Variants in CCDC171 observed in about 807,000 individuals in gnomAD.
CCDC171 encodes coiled-coil domain containing 171, also known as coiled-coil domain-containing protein 171.
CCDC171 carries 177 observed loss-of-function variants against 168.2 expected under a neutral mutation model. The observed-to-expected ratio is 1.05, with a 90% CI of 0.93 to 1.19. CCDC171 has a LOEUF of 1.19. Among genes scored for constraint, CCDC171 ranks in the 50% most tolerant of loss-of-function variants. CCDC171 has a pLI of 0.00. For synonymous variants in CCDC171, 687 were observed against 540.8 expected (o/e 1.27, Z -3.75); for missense variants, 1,991 against 1,539.0 (o/e 1.29, Z -4.91).
chr9:15,912,857 A>G (rs200185621), intron 24 of CCDC171, among the ~76,000 whole-genome samples: 1 of 152,114 alleles, frequency 6.6e-6, no homozygotes, highest in Non-Finnish European at 1.5e-5. Context: ...TTTGCATATG[A>G]TGAACCAGCC....
intron 11 of CCDC171, among the ~76,000 whole-genome samples, chr9:15,707,853 A>T (rs1036105911): frequency 6.6e-6 from 1 of 152,134 alleles, no homozygotes. Flanking sequence ...CTGATTATTA[A>T]TATTATTATT....
intron 25 of CCDC171, among the ~76,000 whole-genome samples, chr9:15,969,989 G>A (rs146607959): frequency 4.7e-4 from 71 of 152,274 alleles, no homozygotes; most frequent in Non-Finnish European, 8.5e-4. Context: ...GTCAACACAC[G>A]ATTTTGGAAG....
At position 15,890,879 on chromosome 9, in the gene CCDC171, T is replaced by A. The variant is rs758699926; in HGVS notation, c.3600+16216T>A. Among the ~76,000 whole-genome samples, 86 of 152,288 alleles carry A rather than the reference T, an allele frequency of 5.6e-4. 1 individual carries two copies. The highest frequency in any genetic ancestry group is 6.6e-4 in the Non-Finnish European group (45 of 68,030). On this transcript the variant is annotated intron_variant, in intron 24 of 25. Transcript: ENST00000380701. ...TATTGAAGTAGATGATAACCCTGGC[T>A]GAAGCATGCAAATTCCCAAACCAAT...
chr9:16,041,866 T>A (rs576459438), upstream of CCDC171, among the ~76,000 whole-genome samples: 1 of 152,092 alleles, frequency 6.6e-6, no homozygotes, highest in Non-Finnish European at 1.5e-5. Flanking sequence ...GGAGAAAAAA[T>A]TTGGCATTGG....
In CCDC171 at chr9:16,004,798, C is replaced by T. The variant is rs371490615; in HGVS notation, n.369-15791C>T. 7.2e-5 allele frequency among the ~76,000 whole-genome samples: 11 copies of T among 152,028 alleles called. No homozygotes were observed. The East Asian group carries it at 9.6e-4, about 13-fold the overall frequency. On this transcript the variant is annotated intron_variant and non_coding_transcript_variant, in intron 3 of 9. Transcript: ENST00000486641. Reference sequence around the variant, plus strand: ...TGGTATTTCTAGTCCTGAAGGAGAGCGATCAGCCCTTGAGGGTTGTTTGAA... The same window carrying T: ...TGGTATTTCTAGTCCTGAAGGAGAGTGATCAGCCCTTGAGGGTTGTTTGAA...
intron 21 of CCDC171, among the ~76,000 whole-genome samples, chr9:15,840,062 TA>T (rs2060612410): frequency 6.6e-6 from 1 of 152,152 alleles, no homozygotes. Flanking sequence ...TCACGTTAAA[TA>T]ATGGCCATTT....
At chr9:15,648,796 A>C (rs201122474) in intron 7 of CCDC171, among the ~76,000 whole-genome samples, 3 of 152,276 alleles carry the variant, frequency 2.0e-5, no homozygotes, top group African/African-American at 2.4e-5. Flanking sequence ...TAGGAAGAAT[A>C]AATATCATGA....
rs571863947 is a variant in CCDC171 at position 15,692,618 on chromosome 9, C to T, written c.1216-2617C>T. Among the ~76,000 whole-genome samples, 591 of 151,216 alleles carry T rather than the reference C, an allele frequency of 3.9e-3. 2 individuals are homozygous for T. Among genetic ancestry groups the T allele is most frequent in the Middle Eastern group, 0.01 (3 of 294 alleles). On this transcript the variant is annotated intron_variant, in intron 10 of 25. Coordinates refer to ENST00000380701, the MANE Select transcript of CCDC171 (RefSeq NM_173550.4). Reference sequence around the variant, plus strand: ...TGTCGGCTCACTGCAAGCTCCGCCCCCTGGGTTCACGCCATTCTCCTGCCT... The same window carrying T: ...TGTCGGCTCACTGCAAGCTCCGCCCTCTGGGTTCACGCCATTCTCCTGCCT...
intron 7 of CCDC171, 62 bp downstream of exon 7, chr9:15,623,475 G>GTGCGCGCGCGCACGCGCGCACACACA (rs1554714958): frequency 3.4e-6 from 1 of 293,710 alleles, no homozygotes; most frequent in Non-Finnish European, 6.3e-6. Flanking sequence ...GCGCGCGCGC[G>GTGCGCGCGCGCACGCGCGCACACACA]CACACACACA....
intron 9 of CCDC171, among the ~76,000 whole-genome samples, chr9:15,669,580 A>G (rs536810966): frequency 2.0e-4 from 30 of 152,154 alleles, no homozygotes; most frequent in Non-Finnish European, 3.4e-4. Flanking sequence ...CCTTCCATCT[A>G]ACTGTATTTT....
chr9:16,002,571 A>G (rs1248998149), intron 3 of CCDC171, among the ~76,000 whole-genome samples: 1 of 152,196 alleles, frequency 6.6e-6, no homozygotes, highest in African/African-American at 2.4e-5. Context: ...TAAAGTAGAA[A>G]AGTTACAGTA....
intron 18 of CCDC171, among the ~76,000 whole-genome samples, chr9:15,765,362 A>G (rs1335834321): frequency 6.6e-6 from 1 of 152,160 alleles, no homozygotes; most frequent in East Asian, 1.9e-4. Flanking sequence ...TCAACGAATG[A>G]AAGAAAAAAA....
At chr9:15,568,310 G>A (rs570993326) in intron 2 of CCDC171, among the ~76,000 whole-genome samples, 1 of 125,170 alleles carries the variant, frequency 8.0e-6, no homozygotes, top group Middle Eastern at 7.5e-3. Context: ...TTGCTCTGTT[G>A]CCCAGGCTGG....
chr9:15,738,617 T>C (rs1187366956), intron 16 of CCDC171, among the ~76,000 whole-genome samples: 1 of 151,998 alleles, frequency 6.6e-6, no homozygotes, highest in Admixed American at 6.6e-5. Flanking sequence ...TGGAAAACAT[T>C]CGATTTTTTT....
At chr9:15,900,740 C>G (rs181425909) in intron 24 of CCDC171, among the ~76,000 whole-genome samples, 1 of 152,164 alleles carries the variant, frequency 6.6e-6, no homozygotes, top group African/African-American at 2.4e-5. Context: ...GTAGGACATA[C>G]ATGCTGTGAG....
intron 7 of CCDC171, 62 bp downstream of exon 7, chr9:15,623,475 G>GCGCGCGCGCGCGCGCACGCGCGCGCGCA: frequency 3.4e-6 from 1 of 293,710 alleles, no homozygotes; most frequent in Non-Finnish European, 6.3e-6. Context: ...GCGCGCGCGC[G>GCGCGCGCGCGCGCGCACGCGCGCGCGCA]CACACACACA....
chr9:16,081,808 T>TG, the CCDC171 span, among the ~76,000 whole-genome samples: 1 of 152,144 alleles, frequency 6.6e-6, no homozygotes, highest in Non-Finnish European at 1.5e-5. Context: ...CAATGTTGGC[T>TG]GTATTTGTAT....
intron 25 of CCDC171, among the ~76,000 whole-genome samples, chr9:15,947,176 A>G (rs933242121): frequency 1.3e-5 from 2 of 152,004 alleles, no homozygotes; most frequent in Non-Finnish European, 2.9e-5. Flanking sequence ...CTTTCTACAT[A>G]TATTTATTAG....
chr9:15,835,892 A>G (rs966766088), intron 21 of CCDC171, among the ~76,000 whole-genome samples: 21 of 152,190 alleles, frequency 1.4e-4, no homozygotes, highest in African/African-American at 5.1e-4. Flanking sequence ...TATCATATGT[A>G]TATTAAAAAT....
Sources: gnomAD v4.1 joint callset for allele counts (sites outside exome capture counted in the v4.1 genomes callset) on GRCh38, gnomAD v4.1.1 for gene constraint, MANE v1.5 for transcripts, NCBI Gene and HGNC (gene_info 2026-07-23, HGNC 2026-07-21) for gene names.